The following SBF1 variants were observed in gnomAD, a reference collection of about 807,000 sequenced individuals.
SBF1 encodes the protein SET binding factor 1, also known as myotubularin-related protein 5.
Under a neutral mutation model 215.8 loss-of-function variants are expected in SBF1, and 65 were observed. That is an observed-to-expected ratio of 0.30 (90% CI 0.25 to 0.37). The LOEUF (loss-of-function observed/expected upper bound fraction) is 0.37, where lower values mean the gene tolerates loss of function less well. Ranked by LOEUF, SBF1 falls within the 10% of genes least tolerant of loss-of-function variation. The pLI is 1.00. For synonymous variants in SBF1, 1,410 were observed against 1,122.8 expected (o/e 1.26, Z -5.11); for missense variants, 2,634 against 2,667.8 (o/e 0.99, Z 0.28).
chr22:50,472,831 G>C (rs959195698), intron 1 of SBF1, among the ~76,000 whole-genome samples: 12 of 152,122 alleles, frequency 7.9e-5, no homozygotes, highest in Admixed American at 1.3e-4. Flanking sequence ...GAATGAACAA[G>C]TCCTTCTAAG....
At chr22:50,459,743 G>A (rs1297177888) in intron 26 of SBF1, 77 bp from the exon 27 acceptor site, 2 of 1,456,862 alleles carry the variant, frequency 1.4e-6, no homozygotes, top group South Asian at 1.3e-5. Flanking sequence ...AGGGCAAGAG[G>A]AGCCAGCCCA....
chr22:50,456,453 G>GGCC, intron 30 of SBF1, 39 bp downstream of exon 30: 52 of 1,519,754 alleles, frequency 3.4e-5, no homozygotes, highest in East Asian at 9.8e-5. Context: ...CCCCTGCCGA[G>GGCC]CCCCCACCCT....
rs563769571 is a variant in SBF1, at chr22:50,456,740, G to A, written c.3905-67C>T. ...GCACCACTTACCTGGGGCTGGCTGG[G>A]CCCGGCCTCCAGGGAGGGGGCTGAG... On this transcript the variant is annotated intron_variant, in intron 29 of 40. Transcript: ENST00000380817. The A allele has an allele frequency of 2.4e-3, 3,342 of 1,367,406 alleles. 5 individuals are homozygous for A. Among genetic ancestry groups the A allele is most frequent in the Non-Finnish European group, 2.8e-3 (2,875 of 1,027,722 alleles). 84.7% of individuals were successfully genotyped at this position (1,367,406 alleles called of 1,614,324 possible). A position where few individuals can be genotyped will look rare whatever the true frequency, so the allele number is the denominator to read the frequency against.
In SBF1 at chr22:50,474,033, G is replaced by A. The variant is rs533405665; in HGVS notation, c.55+753C>T. Among the ~76,000 whole-genome samples, 7 of 152,256 alleles carry A rather than the reference G, an allele frequency of 4.6e-5. 1 individual carries two copies. The highest frequency in any genetic ancestry group is 1.2e-4 in the African/African-American group (5 of 41,548). ...TCTCCAGGCTGTTGCTGATGTCATCGTCAGGCTCCGTTTTCTCCTACCTCC... is the reference window on the plus strand; with the variant it reads ...TCTCCAGGCTGTTGCTGATGTCATCATCAGGCTCCGTTTTCTCCTACCTCC... On this transcript the variant is annotated intron_variant, in intron 1 of 40. Transcript: ENST00000380817.
At chr22:50,471,049 G>A (rs1603435240) in intron 1 of SBF1, among the ~76,000 whole-genome samples, 2 of 152,196 alleles carry the variant, frequency 1.3e-5, no homozygotes, top group African/African-American at 4.8e-5. Flanking sequence ...GTGACCTCCA[G>A]CAGCTGAGCT....
chr22:50,447,076 C>A lies in SBF1; in HGVS notation c.*66G>T. 1 of 1,397,912 alleles carries A rather than the reference C, an allele frequency of 7.2e-7. No homozygotes were observed. The allele number at this position is 1,397,912 out of a possible 1,614,324, so 86.6% of individuals were successfully genotyped here. A position where few individuals can be genotyped will look rare whatever the true frequency, so the allele number is the denominator to read the frequency against. On this transcript the variant is annotated 3_prime_UTR_variant, in exon 41 of 41. Coordinates refer to ENST00000380817, the MANE Select transcript of SBF1 (RefSeq NM_002972.4). ...GCCGGGGCTGTAAACATGGCCGGGG[C>A]GGCCCTGCCCACCCCTAGTGGTCGG... is the stretch of plus-strand genomic sequence containing the variant.
chr22:50,459,522 C>A lies in SBF1; in HGVS notation c.3636G>T (p.Leu1212=). The A allele has an allele frequency of 6.2e-7, 1 of 1,610,256 alleles. No individual in the cohort carries two copies. The highest frequency in any genetic ancestry group is 8.5e-7 in the Non-Finnish European group (1 of 1,179,788). ...AGAGGCCGACGACACCTTTGCCATG[C>A]AGGCCTCCAGAGCGCAGCAGCACCG... ...SKAVLLRSGG[L]HGKGVVGLFK... The change falls in exon 27 of 41, where the codon CTG becomes CTT. Residue 1212 remains leucine (L), a synonymous_variant. Transcript: ENST00000380817.
chr22:50,456,884 G>C, intron 29 of SBF1, 150 bp downstream of exon 29: 3 of 738,322 alleles, frequency 4.1e-6, no homozygotes, highest in Non-Finnish European at 4.2e-6. Flanking sequence ...CAGGACTCAC[G>C]GGTCAGGGAG....
chr22:50,463,011 C>T, intron 16 of SBF1, 73 bp from the exon 17 acceptor site: 1 of 1,428,198 alleles, frequency 7.0e-7, no homozygotes, highest in Non-Finnish European at 9.7e-7. Flanking sequence ...ATGCCCCCAC[C>T]ACCCCATAAC....
intron 36 of SBF1, among the ~76,000 whole-genome samples, chr22:50,449,738 T>C (rs1342553265): frequency 1.3e-5 from 2 of 152,078 alleles, no homozygotes; most frequent in African/African-American, 4.8e-5. Context: ...ACATGCTCTC[T>C]TTGAAAGAGC....
At chr22:50,463,193 C>G (rs2067595652) in intron 16 of SBF1, 90 bp downstream of exon 16, 6 of 1,512,304 alleles carry the variant, frequency 4.0e-6, no homozygotes, top group Non-Finnish European at 4.5e-6. Flanking sequence ...CTTGCACCGT[C>G]TCTCCACTCT....
At chr22:50,461,480 T>A in intron 22 of SBF1, 43 bp downstream of exon 22, 1 of 1,547,594 alleles carries the variant, frequency 6.5e-7, no homozygotes. Context: ...CCCAAAGACC[T>A]GGGGGAGAGG....
Position 50,455,266 on chromosome 22 carries a change from G to A in SBF1, c.4512C>T (p.Gly1504=). 1 of 1,613,326 alleles carries A rather than the reference G, an allele frequency of 6.2e-7. No individual in the cohort carries two copies. Among genetic ancestry groups the A allele is most frequent in the Non-Finnish European group, 8.5e-7 (1 of 1,179,794 alleles). The change falls in exon 33 of 41, where the codon GGC becomes GGT. Residue 1504 remains glycine (G), a synonymous_variant. Coordinates refer to ENST00000380817, the MANE Select transcript of SBF1 (RefSeq NM_002972.4). Reference sequence around the variant, plus strand: ...GGAACTGCAGGAAGACGGGTGTGAAGCCGCTGCTCTGCCCGGCCAGGGTGT... The same window carrying A: ...GGAACTGCAGGAAGACGGGTGTGAAACCGCTGCTCTGCCCGGCCAGGGTGT... ...GAHTLAGQSS[G]FTPVFLQFLD...
At position 50,448,423 on chromosome 22, in the gene SBF1, C is replaced by T; in HGVS notation, c.5173G>A (p.Val1725Met). The T allele has an allele frequency of 6.2e-7, 1 of 1,613,758 alleles. No homozygotes were observed. The highest frequency in any genetic ancestry group is 1.1e-5 in the South Asian group (1 of 91,070). ...CGACGGTGGTGGGGTGCGGTGGACACAAGGAGGGAGCTAGGGGTGCCCTGG... is the reference window on the plus strand; with the variant it reads ...CGACGGTGGTGGGGTGCGGTGGACATAAGGAGGGAGCTAGGGGTGCCCTGG... ...DGRGTPSSLL[V>M]STAPHHRRSL... The change falls in exon 38 of 41, where the codon GTG becomes ATG. Residue 1725 changes from valine (V) to methionine (M), a missense_variant. By Grantham distance (21) the Val-to-Met change is conservative. Coordinates refer to ENST00000380817, the MANE Select transcript of SBF1 (RefSeq NM_002972.4).
At chr22:50,469,395 C>T (rs1293018956) in intron 1 of SBF1, among the ~76,000 whole-genome samples, 1 of 152,222 alleles carries the variant, frequency 6.6e-6, no homozygotes, top group East Asian at 1.9e-4. Context: ...ACTACCACAT[C>T]CAGGGCCCTG....
chr22:50,447,151 C>T lies in SBF1; in HGVS notation c.5673G>A (p.Ser1891=), dbSNP rs767764447. ...QWVDRIQSCL[S]DA is the part of the protein sequence containing the mutation. ...GGCAGGGCTGGGAGGCTCAGGCGTC[C>T]GACAGGCAGCTCTGGATCCGGTCCA... Residue 1891 remains serine (S), a synonymous_variant, in exon 41 of 41, where the codon TCG becomes TCA. Coordinates refer to ENST00000380817, the MANE Select transcript of SBF1 (RefSeq NM_002972.4). 96 of 1,612,016 alleles carry T rather than the reference C, an allele frequency of 6.0e-5. No individual in the cohort carries two copies. Among genetic ancestry groups the T allele is most frequent in the Middle Eastern group, 3.4e-4 (2 of 5,872 alleles).
rs1012373845 is a variant in SBF1 at position 50,446,522 on chromosome 22, G to C, written c.*620C>G. 8 of 260,946 alleles carry C rather than the reference G, an allele frequency of 3.1e-5. No individual in the cohort carries two copies. Among genetic ancestry groups the C allele is most frequent in the African/African-American group, 1.8e-4 (8 of 44,552 alleles). 16.2% of individuals were successfully genotyped at this position (260,946 alleles called of 1,614,324 possible). Reference sequence around the variant, plus strand: ...GTGAGGTCAGCTTCTGCATCCCCTGGGTAGGGATGGGGGCTTCCTCTCCAG... The same window carrying C: ...GTGAGGTCAGCTTCTGCATCCCCTGCGTAGGGATGGGGGCTTCCTCTCCAG... On this transcript the variant is annotated 3_prime_UTR_variant, in exon 41 of 41. Transcript: ENST00000380817.
At chr22:50,460,802 A>C in intron 23 of SBF1, 90 bp from the exon 24 acceptor site, 1 of 1,382,186 alleles carries the variant, frequency 7.2e-7, no homozygotes, top group Non-Finnish European at 1.0e-6. Context: ...TTCCCCTCGC[A>C]GCCATGACAG....
At chr22:50,451,735 G>T (rs578149650) in intron 36 of SBF1, among the ~76,000 whole-genome samples, 1 of 151,122 alleles carries the variant, frequency 6.6e-6, no homozygotes, top group African/African-American at 2.4e-5. Flanking sequence ...AGTTTATAAG[G>T]ATAAGAATCA....
Sources: allele counts gnomAD v4.1 joint callset (sites outside exome capture counted in the v4.1 genomes callset), GRCh38; gene constraint gnomAD v4.1.1; transcripts MANE v1.5; gene names NCBI Gene and HGNC (gene_info 2026-07-23, HGNC 2026-07-21).